Variants in GABRA2 observed in about 807,000 individuals in gnomAD.
GABRA2 encodes gamma-aminobutyric acid type A receptor subunit alpha2, also known as gamma-aminobutyric acid receptor subunit alpha-2.
GABRA2 carries 16 observed loss-of-function variants against 48.7 expected under a neutral mutation model. The ratio of observed to expected loss-of-function variants is 0.33; its 90% CI spans 0.22 to 0.50. The LOEUF is 0.50. Ranked by LOEUF, GABRA2 falls within the 20% of genes least tolerant of loss-of-function variation. The pLI, the probability that GABRA2 is intolerant of heterozygous loss-of-function variation, is 0.98. For missense variants in GABRA2, 275 were observed against 535.6 expected, an observed-to-expected ratio of 0.51 and a Z score of 4.80; for synonymous variants, 185 against 184.5, an observed-to-expected ratio of 1.00 and a Z score of -0.02.
chr4:46,287,633 G>A (rs1171464133), intron 8 of GABRA2, among the ~76,000 whole-genome samples: 4 of 112,192 alleles, frequency 3.6e-5, no homozygotes, highest in African/African-American at 1.0e-4. Flanking sequence ...CTGTTGTGGG[G>A]TGGGGGGAGG....
At chr4:46,257,339 T>G (rs1382147477) in intron 9 of GABRA2, among the ~76,000 whole-genome samples, 1 of 151,546 alleles carries the variant, frequency 6.6e-6, no homozygotes, top group African/African-American at 2.4e-5. Flanking sequence ...GCAAGAGGGG[T>G]CAGCAGGTCT....
At chr4:46,265,760 A>G (rs1718085383) in intron 8 of GABRA2, among the ~76,000 whole-genome samples, 1 of 151,648 alleles carries the variant, frequency 6.6e-6, no homozygotes, top group Non-Finnish European at 1.5e-5. Context: ...TTCAAGGAAG[A>G]TGGTTAAGTT....
intron 6 of GABRA2, among the ~76,000 whole-genome samples, chr4:46,307,998 A>C (rs142970783): frequency 6.6e-6 from 1 of 152,274 alleles, no homozygotes; most frequent in African/African-American, 2.4e-5. Flanking sequence ...TATAAATTCC[A>C]CTTGTAAATT....
chr4:46,305,518 C>A, intron 7 of GABRA2, 50 bp downstream of exon 7: 1 of 1,547,910 alleles, frequency 6.5e-7, no homozygotes, highest in Non-Finnish European at 8.9e-7. Context: ...AGTCCTTTAA[C>A]CTATTAATAT....
Position 46,328,499 on chromosome 4 carries a change from C to G in GABRA2, c.255+4116G>C, listed in dbSNP as rs570080594. On this transcript the variant is annotated intron_variant, in intron 4 of 9. Transcript: ENST00000381620. ...ATCAGCTAAGCTACTAAAAGTAAAA[C>G]TAAATTTGTTCTTTATTTTTTTTCT... 7.9e-5 allele frequency among the ~76,000 whole-genome samples: 12 copies of G among 152,136 alleles called. 1 individual carries two copies. Among genetic ancestry groups the G allele is most frequent in the African/African-American group, 2.4e-4 (10 of 41,550 alleles).
At chr4:46,387,866 T>C (rs1299794088) in intron 2 of GABRA2, among the ~76,000 whole-genome samples, 1 of 152,140 alleles carries the variant, frequency 6.6e-6, no homozygotes, top group African/African-American at 2.4e-5. Context: ...AACTTGTATC[T>C]TAAGTCTTCT....
chr4:46,246,269 G>A lies in GABRA2; in HGVS notation c.*4039C>T, dbSNP rs1212174629. On this transcript the variant is annotated 3_prime_UTR_variant, in exon 10 of 10. Transcript: ENST00000381620. ...CAGTAATTCTGAGCTCTTAAATACT[G>A]ATGGAAAATATTAATATCTTTAATA... 6.6e-6 allele frequency among the ~76,000 whole-genome samples: 1 copy of A among 150,740 alleles called. No individual in the cohort carries two copies. The highest frequency in any genetic ancestry group is 1.5e-5 in the Non-Finnish European group (1 of 67,348).
rs536658445 is a variant in GABRA2, at chr4:46,348,554, A to G, written c.188-15872T>C. ...TGTCCAACAACGATAGACTGGATTA[A>G]GAAAATGTGGCACATATACACCATG... On this transcript the variant is annotated intron_variant, in intron 3 of 9. Transcript: ENST00000381620. Among the ~76,000 whole-genome samples, 618 of 152,192 alleles carry G rather than the reference A, an allele frequency of 4.1e-3. 2 individuals are homozygous for G. Among genetic ancestry groups the G allele is most frequent in the Non-Finnish European group, 6.3e-3 (430 of 67,996 alleles).
intron 8 of GABRA2, among the ~76,000 whole-genome samples, chr4:46,283,869 C>T (rs556333610): frequency 6.6e-6 from 1 of 152,270 alleles, no homozygotes; most frequent in Non-Finnish European, 1.5e-5. Flanking sequence ...ATGCCATTCT[C>T]CTGCCTCAGC....
At chr4:46,284,155 T>G (rs967410730) in intron 8 of GABRA2, among the ~76,000 whole-genome samples, 1 of 152,076 alleles carries the variant, frequency 6.6e-6, no homozygotes, top group Non-Finnish European at 1.5e-5. Context: ...TCATATAAAC[T>G]TATCCAAAAC....
chr4:46,320,853 T>G (rs1729329522), intron 4 of GABRA2, among the ~76,000 whole-genome samples: 6 of 151,870 alleles, frequency 4.0e-5, no homozygotes, highest in Admixed American at 4.0e-4. Flanking sequence ...CCTCAAAATG[T>G]TAAAAGCAGA....
At chr4:46,382,696 C>G (rs1055396364) in intron 3 of GABRA2, among the ~76,000 whole-genome samples, 2 of 152,104 alleles carry the variant, frequency 1.3e-5, no homozygotes, top group Non-Finnish European at 2.9e-5. Flanking sequence ...ACAATGGACT[C>G]TCCTTCTCTC....
intron 9 of GABRA2, chr4:46,256,339 T>G (rs1298487696): frequency 8.7e-6 from 6 of 687,790 alleles, no homozygotes. Context: ...CTGAGTTGTA[T>G]GTTAATGTAA....
At chr4:46,278,123 G>T (rs1369092517) in intron 8 of GABRA2, among the ~76,000 whole-genome samples, 1 of 152,038 alleles carries the variant, frequency 6.6e-6, no homozygotes, top group African/African-American at 2.4e-5. Context: ...CCAGGATAAA[G>T]AAATTTTAAT....
At chr4:46,303,987 T>G (rs2109629691) in intron 7 of GABRA2, among the ~76,000 whole-genome samples, 1 of 152,314 alleles carries the variant, frequency 6.6e-6, no homozygotes, top group African/African-American at 2.4e-5. Flanking sequence ...AGCATCTCCT[T>G]TGAGCATCAT....
intron 3 of GABRA2, chr4:46,368,971 G>A (rs1029209306): frequency 4.3e-6 from 3 of 700,076 alleles, no homozygotes; most frequent in Admixed American, 2.0e-5. Context: ...GCTCTTGAAG[G>A]CTATGTTACA....
intron 8 of GABRA2, among the ~76,000 whole-genome samples, chr4:46,282,337 A>C (rs145491263): frequency 6.6e-6 from 1 of 152,292 alleles, no homozygotes; most frequent in African/African-American, 2.4e-5. Flanking sequence ...TCCTATGTCT[A>C]ACCAACAAGA....
At chr4:46,369,072 G>A in intron 3 of GABRA2, 2 of 683,038 alleles carry the variant, frequency 2.9e-6, no homozygotes, top group Non-Finnish European at 2.7e-6. Context: ...CTAACTAAAA[G>A]TTAGAAATCT....
intron 8 of GABRA2, among the ~76,000 whole-genome samples, chr4:46,289,896 T>TTTA (rs776320910): frequency 1.7e-5 from 1 of 57,996 alleles, no homozygotes; most frequent in Non-Finnish European, 4.7e-5. Context: ...TATTTATTTA[T>TTTA]TTATTTATTT....
Sources: gnomAD v4.1 joint callset for allele counts (sites outside exome capture counted in the v4.1 genomes callset) on GRCh38, gnomAD v4.1.1 for gene constraint, MANE v1.5 for transcripts, NCBI Gene and HGNC (gene_info 2026-07-23, HGNC 2026-07-21) for gene names.